Variants in ALG13 observed in about 807,000 individuals in gnomAD.
ALG13 encodes UDP-N-acetylglucosamine transferase subunit ALG13.
ALG13 carries 11 observed loss-of-function variants against 87.8 expected under a neutral mutation model. The observed-to-expected ratio is 0.13, with a 90% confidence interval of 0.08 to 0.21. The LOEUF is 0.21. Ranked by LOEUF, ALG13 falls within the 10% of genes least tolerant of loss-of-function variation. The pLI, the probability that ALG13 is intolerant of heterozygous loss-of-function variation, is 1.00. For synonymous variants in ALG13, 320 were observed against 306.3 expected (o/e 1.04, Z -0.47); for missense variants, 756 against 866.1 (o/e 0.87, Z 1.60).
intron 26 of ALG13, among the ~76,000 whole-genome samples, chrX:111,758,126 T>C (rs1452391915): frequency 1.8e-5 from 2 of 112,110 alleles, no homozygotes; most frequent in Non-Finnish European, 3.8e-5. Context: ...GCCAATCTTA[T>C]GTTTTTTTGT....
intron 2 of ALG13, among the ~76,000 whole-genome samples, chrX:111,684,582 C>T (rs1934437655): frequency 9.0e-6 from 1 of 111,575 alleles, no homozygotes; most frequent in South Asian, 3.8e-4. Flanking sequence ...ACCTCAGCCT[C>T]CCAAAGCGTT....
chrX:111,741,014 T>A (rs766491520), intron 23 of ALG13, among the ~76,000 whole-genome samples: 11 of 112,421 alleles, frequency 9.8e-5, no homozygotes, highest in Non-Finnish European at 1.9e-4. Flanking sequence ...TGGATGGACA[T>A]TAAACATCAG....
At chrX:111,712,579 T>C in intron 7 of ALG13, 49 bp downstream of exon 7, 1 of 777,732 alleles carries the variant, frequency 1.3e-6, no homozygotes, top group Non-Finnish European at 1.8e-6. Flanking sequence ...CATGCATGTG[T>C]GTATAAGATC....
chrX:111,746,626 C>T (rs897591494), intron 24 of ALG13, among the ~76,000 whole-genome samples: 1 of 111,732 alleles, frequency 8.9e-6, no homozygotes, highest in Non-Finnish European at 1.9e-5. Context: ...AAGCTGCTAA[C>T]AAAAAAAGCT....
Position 111,728,147 on chromosome X carries a change from A to G in ALG13, c.2248-38A>G, listed in dbSNP as rs751496682. The G allele has an allele frequency of 2.6e-5, 32 of 1,207,621 alleles. 1 individual carries two copies. The highest frequency in any genetic ancestry group is 3.5e-5 in the Non-Finnish European group (31 of 893,838). ...CTCTAGCTTTTTTTTCTGACTATAT[A>G]GTGAGAACTGCAGTGTGTGTGTGTC... On this transcript the variant is annotated intron_variant, in intron 18 of 26. Coordinates refer to ENST00000394780, the MANE Select transcript of ALG13 (RefSeq NM_001099922.3).
chrX:111,756,897 TGTTA>T (rs1945304848), intron 25 of ALG13, among the ~76,000 whole-genome samples: 1 of 112,139 alleles, frequency 8.9e-6, no homozygotes, highest in African/African-American at 3.2e-5. Context: ...CCTTCTGTTA[TGTTA>T]GTTTATTATA....
chrX:111,747,072 TATC>T (rs1944306042), intron 24 of ALG13, among the ~76,000 whole-genome samples: 1 of 111,927 alleles, frequency 8.9e-6, no homozygotes, highest in Admixed American at 9.5e-5. Flanking sequence ...GGCACATCAT[TATC>T]ATCCAGAGGC....
intron 8 of ALG13, among the ~76,000 whole-genome samples, chrX:111,715,268 A>G (rs1002228580): frequency 8.9e-6 from 1 of 111,943 alleles, no homozygotes; most frequent in African/African-American, 3.2e-5. Flanking sequence ...CATGTACAGG[A>G]TAGTGCATAT....
intron 3 of ALG13, among the ~76,000 whole-genome samples, chrX:111,694,432 T>G (rs1936670678): frequency 8.9e-6 from 1 of 112,482 alleles, no homozygotes; most frequent in African/African-American, 3.2e-5. Context: ...AAACTAACCT[T>G]AATATTCTTA....
At chrX:111,688,179 T>C in intron 3 of ALG13, 1 of 825,964 alleles carries the variant, frequency 1.2e-6, no homozygotes, top group Non-Finnish European at 1.5e-6. Context: ...CAAATCCTAA[T>C]TGCAGTTTAG....
chrX:111,681,646 C>T, intron 1 of ALG13: 2 of 906,830 alleles, frequency 2.2e-6, no homozygotes, highest in Non-Finnish European at 2.7e-6. Context: ...GGGTTTTCCA[C>T]CGGGCTCGGC....
intron 25 of ALG13, among the ~76,000 whole-genome samples, chrX:111,757,092 C>CT (rs770259217): frequency 8.9e-6 from 1 of 111,901 alleles, no homozygotes; most frequent in African/African-American, 3.2e-5. Flanking sequence ...AAAATCACCT[C>CT]TATGATCACT....
rs1943282377 is a variant in ALG13, at chrX:111,736,780, A to C, written c.2596A>C (p.Asn866His). ...TAATGTTCCAGCTCCAGTCTTATCTAACGGTGCAGCGGCTAATCAAGCTAT... is the reference window on the plus strand; with the variant it reads ...TAATGTTCCAGCTCCAGTCTTATCTCACGGTGCAGCGGCTAATCAAGCTAT... ...ANNVPAPVLS[N>H]GAAANQAIST... The change falls in exon 23 of 27, where the codon AAC (asparagine) becomes CAC (histidine). Residue 866 changes from asparagine to histidine, a missense_variant. Physicochemically the swap from Asn to His is moderately conservative, Grantham distance 68. Transcript: ENST00000394780. 1.7e-6 allele frequency: 2 copies of C among 1,210,546 alleles called. No individual in the cohort carries two copies. Among genetic ancestry groups the C allele is most frequent in the Non-Finnish European group, 2.2e-6 (2 of 894,695 alleles).
intron 12 of ALG13, 92 bp from the exon 13 acceptor site, chrX:111,722,700 CA>C: frequency 1.6e-6 from 1 of 609,849 alleles, no homozygotes; most frequent in South Asian, 2.7e-5. Flanking sequence ...GTAGCGTTGT[CA>C]AAGGCACTAC....
At chrX:111,688,027 G>A in intron 3 of ALG13, 1 of 1,096,959 alleles carries the variant, frequency 9.1e-7, no homozygotes, top group Non-Finnish European at 1.2e-6. Flanking sequence ...CACTTTAAAA[G>A]CAACCCCCAA....
chrX:111,699,196 A>T (rs1404478891), intron 3 of ALG13, among the ~76,000 whole-genome samples: 1 of 109,707 alleles, frequency 9.1e-6, no homozygotes, highest in Non-Finnish European at 1.9e-5. Context: ...CTCATTTTTA[A>T]ATTGGGTTGT....
intron 23 of ALG13, among the ~76,000 whole-genome samples, chrX:111,742,545 A>G (rs1381262911): frequency 2.7e-5 from 3 of 112,446 alleles, no homozygotes; most frequent in African/African-American, 9.7e-5. Flanking sequence ...AATTGTAAAT[A>G]AAGACAGGAT....
intron 8 of ALG13, among the ~76,000 whole-genome samples, chrX:111,714,087 C>T (rs912543113): frequency 3.6e-5 from 4 of 111,331 alleles, no homozygotes; most frequent in Admixed American, 9.5e-5. Flanking sequence ...TTACGATAAT[C>T]GAGGGTGAAT....
intron 3 of ALG13, among the ~76,000 whole-genome samples, chrX:111,701,328 A>G (rs531873334): frequency 3.5e-4 from 39 of 111,920 alleles, no homozygotes; most frequent in African/African-American, 1.2e-3. Flanking sequence ...CAGTGAAGCC[A>G]TGGGGTCTTG....
Sources: gnomAD v4.1 joint callset for allele counts (sites outside exome capture counted in the v4.1 genomes callset) on GRCh38, gnomAD v4.1.1 for gene constraint, MANE v1.5 for transcripts, NCBI Gene and HGNC (gene_info 2026-07-23, HGNC 2026-07-21) for gene names.